ADAM33: variants seen among roughly 807,000 people sequenced by gnomAD.
The protein encoded by ADAM33 is disintegrin and metalloproteinase domain-containing protein 33.
In ADAM33, 103 loss-of-function variants were observed where a neutral mutation model predicts 106.2. That is an observed-to-expected ratio of 0.97 (90% CI 0.83 to 1.14). The LOEUF (loss-of-function observed/expected upper bound fraction) is 1.14. Ranked by LOEUF, ADAM33 falls within the 50% of genes most tolerant of loss-of-function variation. The pLI, the probability that ADAM33 is intolerant of heterozygous loss-of-function variation, is 0.00. For synonymous variants in ADAM33, 483 were observed against 453.0 expected (o/e 1.07, Z -0.84); for missense variants, 1,120 against 1,096.6 (o/e 1.02, Z -0.30).
chr20:3,671,272 C>T lies in ADAM33; in HGVS notation c.2057G>A (p.Gly686Asp), dbSNP rs892139610. 3 of 1,613,952 alleles carry T rather than the reference C, an allele frequency of 1.9e-6. No homozygotes were observed. Among genetic ancestry groups the T allele is most frequent in the Non-Finnish European group, 2.5e-6 (3 of 1,180,014 alleles). Residue 686 changes from glycine to aspartate, a missense_variant, in exon 18 of 22, where the codon GGT becomes GAT. By Grantham distance (94) the Gly-to-Asp change is moderately conservative. Transcript: ENST00000356518. ...APPFCDKPGF[G>D]GSMDSGPVQA... ...CACAGGGCCACTGTCCATGCTGCCACCAAAGCCTGGCTTGTCACAGAAGGG... is the reference window on the plus strand; with the variant it reads ...CACAGGGCCACTGTCCATGCTGCCATCAAAGCCTGGCTTGTCACAGAAGGG...
chr20:3,681,858 A>C (rs749241426), intron 1 of ADAM33, 50 bp downstream of exon 1: 1 of 1,576,176 alleles, frequency 6.3e-7, no homozygotes, highest in East Asian at 2.4e-5. Context: ...CCCCGCCACC[A>C]CCACCGCGCC....
Position 3,672,623 on chromosome 20 carries a change from A to C in ADAM33, c.1315T>G (p.Cys439Gly). 1.2e-6 allele frequency: 2 copies of C among 1,613,280 alleles called. No homozygotes were observed. Among genetic ancestry groups the C allele is most frequent in the Non-Finnish European group, 1.7e-6 (2 of 1,179,856 alleles). Residue 439 changes from cysteine to glycine, a missense_variant, in exon 13 of 22, where the codon TGC (cysteine) becomes GGC (glycine). Cys to Gly is a radical substitution (Grantham distance 159). Transcript: ENST00000356518. ...TGAGCAAAGCAGCAGAGGTCGCGGC[A>C]CTCCTGGGACCAGAAAGGCAAGAAG... ...EECDCGPGQE[C>G]RDLCCFAHNC...
intron 13 of ADAM33, 81 bp from the exon 14 acceptor site, chr20:3,672,410 C>A: frequency 6.3e-7 from 1 of 1,577,124 alleles, no homozygotes; most frequent in South Asian, 1.2e-5. Flanking sequence ...CGGCTCGGAG[C>A]TGGGGGAGCC....
rs756572107 is a variant in ADAM33 at position 3,672,304 on chromosome 20, C to T, written c.1427G>A (p.Arg476His). The change falls in exon 14 of 22, where the codon CGC becomes CAC. Residue 476 changes from arginine (R) to histidine (H), a missense_variant. Physicochemically the swap from Arg to His is conservative, Grantham distance 29. Transcript: ENST00000356518. The stretch of plus-strand genomic sequence containing the variant: ...GAGGTCACAGTCACCCATGGCCTGG[C>T]GGCACAGCGCTCCAGCCGGCTTCAG... ...CLLKPAGALC[R>H]QAMGDCDLPE... 3 of 1,612,850 alleles carry T rather than the reference C, an allele frequency of 1.9e-6. No individual in the cohort carries two copies. Among genetic ancestry groups the T allele is most frequent in the African/African-American group, 1.3e-5 (1 of 74,942 alleles).
At position 3,671,499 on chromosome 20, in the gene ADAM33, A is replaced by ACGGGCAGTGCAC; in HGVS notation, c.1906-15_1906-4dup. On this transcript the variant is annotated splice_region_variant and splice_polypyrimidine_tract_variant and intron_variant, in intron 16 of 21. Coordinates refer to ENST00000356518, the MANE Select transcript of ADAM33 (RefSeq NM_025220.5). ...CTGCAGCGCCTGCTCTGGCACACCT[A>ACGGGCAGTGCAC]CGGGCAGTGCACCAGGCAGTGAGGG... 1 of 1,610,832 alleles carries ACGGGCAGTGCAC rather than the reference A, an allele frequency of 6.2e-7. No individual in the cohort carries two copies. The highest frequency in any genetic ancestry group is 8.5e-7 in the Non-Finnish European group (1 of 1,178,162).
intron 3 of ADAM33, 149 bp downstream of exon 3, chr20:3,676,918 G>A (rs1282660180): frequency 1.2e-6 from 1 of 814,192 alleles, no homozygotes; most frequent in Non-Finnish European, 1.8e-6. Flanking sequence ...AGCCTCCAGG[G>A]AGCCAACCAC....
intron 19 of ADAM33, chr20:3,669,931 G>A: frequency 1.8e-6 from 1 of 549,106 alleles, no homozygotes; most frequent in Non-Finnish European, 3.3e-6. Flanking sequence ...GCATCGCTCA[G>A]CTTCCAAAGA....
At chr20:3,674,427 C>A in intron 6 of ADAM33, 77 bp downstream of exon 6, 1 of 1,601,048 alleles carries the variant, frequency 6.2e-7, no homozygotes, top group East Asian at 2.2e-5. Flanking sequence ...GACTCGAGGC[C>A]TGTGAATTCC....
At chr20:3,673,688 G>A (rs962629854) in intron 9 of ADAM33, 30 bp from the exon 10 acceptor site, 3 of 1,355,470 alleles carry the variant, frequency 2.2e-6, no homozygotes, top group Admixed American at 7.8e-5. Flanking sequence ...TGACCAGGCG[G>A]GGCCGGGAGG....
At position 3,668,578 on chromosome 20, in the gene ADAM33, A is replaced by C. The variant is rs1284717628; in HGVS notation, c.*385T>G. 1.1e-5 allele frequency: 3 copies of C among 281,282 alleles called. No homozygotes were observed. The highest frequency in any genetic ancestry group is 2.1e-5 in the Non-Finnish European group (3 of 145,678). The allele number at this position is 281,282 out of a possible 1,614,324, so 17.4% of individuals were successfully genotyped here. A position where few individuals can be genotyped will look rare whatever the true frequency, so the allele number is the denominator to read the frequency against. On this transcript the variant is annotated 3_prime_UTR_variant, in exon 22 of 22. Transcript: ENST00000356518. ...GACCACTAGCTTCTGGCCAGCAGTC[A>C]TGCCCTCCACAGAGCTGGGTCCGTG... is the stretch of plus-strand genomic sequence containing the variant.
chr20:3,680,880 G>T (rs1007113313), intron 1 of ADAM33, among the ~76,000 whole-genome samples: 1 of 152,194 alleles, frequency 6.6e-6, no homozygotes, highest in Non-Finnish European at 1.5e-5. Flanking sequence ...TGGAGCTGGA[G>T]CTGGAGCTCC....
At position 3,674,499 on chromosome 20, in the gene ADAM33, C is replaced by T; in HGVS notation, c.600+5G>A. The T allele has an allele frequency of 6.2e-7, 1 of 1,612,830 alleles. No homozygotes were observed. Among genetic ancestry groups the T allele is most frequent in the Non-Finnish European group, 8.5e-7 (1 of 1,179,774 alleles). ...TCCCACTCCCATCCGATCGATGCCC[C>T]TGACCCTGCTCTGGGGACCACCAGG... On this transcript the variant is annotated splice_donor_5th_base_variant and intron_variant, in intron 6 of 21. Transcript: ENST00000356518.
rs2087496882 is a variant in ADAM33 at position 3,671,012 on chromosome 20, C to G, written c.2234G>C (p.Cys745Ser). The change falls in exon 19 of 22, where the codon TGC (cysteine) becomes TCC (serine). Residue 745 changes from cysteine (C) to serine (S), a missense_variant. By Grantham distance (112) the Cys-to-Ser change is moderately radical. Coordinates refer to ENST00000356518, the MANE Select transcript of ADAM33 (RefSeq NM_025220.5). ...CSWGCRRDPA[C>S]SGPKDGPHRD... is the part of the protein sequence containing the mutation. ...GCAGGCGCTCGGAGCCTACCCACTG[C>G]ACGCAGGGTCCCTTCTGCAGCCCCA... The G allele has an allele frequency of 6.5e-7, 1 of 1,548,132 alleles. No homozygotes were observed. Among genetic ancestry groups the G allele is most frequent in the African/African-American group, 1.4e-5 (1 of 73,086 alleles).
chr20:3,679,923 A>G (rs1361431278), intron 1 of ADAM33, among the ~76,000 whole-genome samples: 1 of 152,184 alleles, frequency 6.6e-6, no homozygotes, highest in Non-Finnish European at 1.5e-5. Context: ...CGGCAGCCTT[A>G]GGGATTTTTA....
At chr20:3,677,168 G>A in intron 2 of ADAM33, 25 bp from the exon 3 acceptor site, 1 of 1,580,242 alleles carries the variant, frequency 6.3e-7, no homozygotes, top group Non-Finnish European at 8.6e-7. Context: ...GTGTGGAGCT[G>A]AGATGGTGGC....
In ADAM33 at chr20:3,674,173, G is replaced by C. The variant is rs17513895; in HGVS notation, c.667-38C>G. On this transcript the variant is annotated intron_variant, in intron 7 of 21. Coordinates refer to ENST00000356518, the MANE Select transcript of ADAM33 (RefSeq NM_025220.5). ...AAATCCCGGTGGCTTGAGGGGCTGA[G>C]CTGGCCCCATCCCTGACCCCGCCAA... is the stretch of plus-strand genomic sequence containing the variant. 0.014 allele frequency: 23,044 copies of C among 1,614,114 alleles called. 436 individuals are homozygous for C. Among genetic ancestry groups the C allele is most frequent in the African/African-American group, 0.089 (6,652 of 75,018 alleles).
In ADAM33 at chr20:3,673,567, G is replaced by A; in HGVS notation, c.990+7C>T. ...GTCTCTCCCTCGCCCCCGCCCGCGG[G>A]GCTCACCGTGCTCACGCCTCCCGAG... On this transcript the variant is annotated splice_region_variant and intron_variant, in intron 10 of 21. Transcript: ENST00000356518. 1 of 1,392,578 alleles carries A rather than the reference G, an allele frequency of 7.2e-7. No individual in the cohort carries two copies. Among genetic ancestry groups the A allele is most frequent in the Non-Finnish European group, 9.3e-7 (1 of 1,080,010 alleles). 86.3% of individuals were successfully genotyped at this position (1,392,578 alleles called of 1,614,324 possible).
rs1399929189 is a variant in ADAM33 at position 3,671,995 on chromosome 20, C to T, written c.1598-10G>A. Reference sequence around the variant, plus strand: ...GGAGCTGGGTGGGAGCCTGAGGAAGCATGGGCCAGGCTGGGGGCAGCTCGG... The same window carrying T: ...GGAGCTGGGTGGGAGCCTGAGGAAGTATGGGCCAGGCTGGGGGCAGCTCGG... On this transcript the variant is annotated splice_polypyrimidine_tract_variant and intron_variant, in intron 14 of 21. Coordinates refer to ENST00000356518, the MANE Select transcript of ADAM33 (RefSeq NM_025220.5). 6.4e-7 allele frequency: 1 copy of T among 1,554,220 alleles called. No individual in the cohort carries two copies. Among genetic ancestry groups the T allele is most frequent in the Non-Finnish European group, 8.7e-7 (1 of 1,148,844 alleles).
Position 3,679,586 on chromosome 20 carries a change from G to A in ADAM33, c.98-15C>T. On this transcript the variant is annotated splice_polypyrimidine_tract_variant and intron_variant, in intron 1 of 21. Coordinates refer to ENST00000356518, the MANE Select transcript of ADAM33 (RefSeq NM_025220.5). ...AGGGATATGTCCTGGAGTAAAGACA[G>A]AGCACAGGGTGAGGGGGACCTGAGG... The A allele has an allele frequency of 3.7e-6, 6 of 1,600,090 alleles. No individual in the cohort carries two copies. Among genetic ancestry groups the A allele is most frequent in the Non-Finnish European group, 5.1e-6 (6 of 1,173,062 alleles).
Sources: gnomAD v4.1 joint callset for allele counts (sites outside exome capture counted in the v4.1 genomes callset) on GRCh38, gnomAD v4.1.1 for gene constraint, MANE v1.5 for transcripts, NCBI Gene and HGNC (gene_info 2026-07-23, HGNC 2026-07-21) for gene names.